The following STS variants were observed in gnomAD, a reference collection of about 807,000 sequenced individuals.
STS encodes the protein steroid sulfatase.
In STS, 7 loss-of-function variants were observed where a neutral mutation model predicts 26.8. The observed-to-expected ratio is 0.26, with a 90% confidence interval of 0.15 to 0.49. The LOEUF is 0.49. STS is among the 20% of genes least tolerant of loss of function. The pLI, the probability that STS is intolerant of heterozygous loss-of-function variation, is 0.98. For synonymous variants in STS, 199 were observed against 189.4 expected (o/e 1.05, Z -0.42); for missense variants, 434 against 465.6 (o/e 0.93, Z 0.63).
At chrX:7,283,341 T>C (rs2147115578) in intron 7 of STS, among the ~76,000 whole-genome samples, 1 of 111,730 alleles carries the variant, frequency 9.0e-6, no homozygotes, top group East Asian at 2.8e-4. Flanking sequence ...GATCAGGGAA[T>C]TCAGGAGCAA....
chrX:7,259,293 G>A (rs887921522), intron 5 of STS, 56 bp from the exon 6 acceptor site: 17 of 1,097,344 alleles, frequency 1.5e-5, no homozygotes, highest in Middle Eastern at 2.4e-4. Context: ...ACAGAAGCTT[G>A]GATTGGAATC....
intron 1 of STS, among the ~76,000 whole-genome samples, chrX:7,173,614 C>G (rs1378473243): frequency 8.9e-6 from 1 of 112,158 alleles, no homozygotes; most frequent in Non-Finnish European, 1.9e-5. Context: ...TGTTTCTTGA[C>G]TTTTTAATAA....
intron 8 of STS, among the ~76,000 whole-genome samples, chrX:7,323,858 G>C (rs1024680162): frequency 4.2e-4 from 47 of 111,043 alleles, no homozygotes; most frequent in Non-Finnish European, 8.1e-4. Flanking sequence ...GGCTTGGGGT[G>C]CCCTTCTCTG....
intron 6 of STS, among the ~76,000 whole-genome samples, chrX:7,263,807 G>A (rs952981975): frequency 1.4e-4 from 13 of 96,210 alleles, no homozygotes; most frequent in African/African-American, 4.0e-4. Flanking sequence ...GTGTATATAT[G>A]TGTGTGTGTT....
At chrX:7,268,549 A>G (rs1243900335) in intron 6 of STS, among the ~76,000 whole-genome samples, 2 of 112,381 alleles carry the variant, frequency 1.8e-5, no homozygotes, top group Non-Finnish European at 3.8e-5. Context: ...ATGGTAAGAA[A>G]AGTAAATCAG....
At chrX:7,317,378 A>G (rs1926761859) in intron 8 of STS, among the ~76,000 whole-genome samples, 1 of 111,244 alleles carries the variant, frequency 9.0e-6, no homozygotes, top group South Asian at 3.8e-4. Flanking sequence ...GGCACAGGGC[A>G]GGTTTGCCCA....
At chrX:7,323,031 T>C (rs1176305987) in intron 8 of STS, among the ~76,000 whole-genome samples, 1 of 111,617 alleles carries the variant, frequency 9.0e-6, no homozygotes, top group Non-Finnish European at 1.9e-5. Flanking sequence ...ATAATAGCCA[T>C]TTTTTGTGCC....
intron 8 of STS, among the ~76,000 whole-genome samples, chrX:7,323,012 C>G (rs1330196164): frequency 4.5e-5 from 5 of 111,860 alleles, no homozygotes; most frequent in African/African-American, 1.3e-4. Context: ...TAAAATAATA[C>G]CAACGAAGAT....
chrX:7,199,180 C>T (rs1316743800), intron 2 of STS, among the ~76,000 whole-genome samples: 1 of 111,635 alleles, frequency 9.0e-6, no homozygotes, highest in Non-Finnish European at 1.9e-5. Flanking sequence ...ATACAGTTTT[C>T]AAATACAATA....
intron 2 of STS, among the ~76,000 whole-genome samples, chrX:7,229,100 C>T (rs1342229991): frequency 8.9e-6 from 1 of 112,186 alleles, no homozygotes; most frequent in Non-Finnish European, 1.9e-5. Context: ...ATTTGCATAC[C>T]TCCTGCTATT....
At chrX:7,295,300 GA>G (rs1462088888) in intron 7 of STS, among the ~76,000 whole-genome samples, 1 of 111,454 alleles carries the variant, frequency 9.0e-6, no homozygotes, top group African/African-American at 3.3e-5. Flanking sequence ...CCTCCTCCAT[GA>G]ATTTATTCAG....
chrX:7,325,198 G>C, intron 8 of STS, 141 bp from the exon 9 acceptor site: 1 of 614,884 alleles, frequency 1.6e-6, no homozygotes, highest in Non-Finnish European at 2.7e-6. Context: ...ATACTATATT[G>C]CTCATGGAAT....
chrX:7,233,157 G>A lies in STS; in HGVS notation c.-4-20039G>A, dbSNP rs190001306. Among the ~76,000 whole-genome samples, 270 of 97,040 alleles carry A rather than the reference G, an allele frequency of 2.8e-3. 4 individuals are homozygous for A. The highest frequency in any genetic ancestry group is 3.5e-3 in the Non-Finnish European group (173 of 49,545). The allele number at this position is 97,040 out of a possible 115,157, so 84.3% of individuals were successfully genotyped here. A position where few individuals can be genotyped will look rare whatever the true frequency, so the allele number is the denominator to read the frequency against. ...CGCCCAGGCTGGAGTGTAATGGCGC[G>A]ATCTTGGCTCACTGCAACCTCTGCC... On this transcript the variant is annotated intron_variant, in intron 2 of 10. Transcript: ENST00000674429.
chrX:7,277,440 T>C (rs1924595531), intron 7 of STS, among the ~76,000 whole-genome samples: 1 of 111,672 alleles, frequency 9.0e-6, no homozygotes, highest in African/African-American at 3.3e-5. Flanking sequence ...CCTACTGTGG[T>C]GATTGTCAGA....
intron 1 of STS, among the ~76,000 whole-genome samples, chrX:7,186,544 T>C (rs923495548): frequency 1.8e-5 from 2 of 111,481 alleles, no homozygotes; most frequent in African/African-American, 6.5e-5. Flanking sequence ...CAGTAAAGGG[T>C]TACAACCTCA....
intron 8 of STS, among the ~76,000 whole-genome samples, chrX:7,307,054 C>G (rs1758506379): frequency 9.0e-6 from 1 of 111,467 alleles, no homozygotes; most frequent in African/African-American, 3.3e-5. Context: ...TCTCCTACAC[C>G]TTTTGTTACC....
intron 7 of STS, among the ~76,000 whole-genome samples, chrX:7,287,678 TTTTATTTA>T (rs200085059): frequency 2.8e-5 from 3 of 105,541 alleles, no homozygotes; most frequent in East Asian, 5.9e-4. Context: ...TTATTTTTTA[TTTTATTTA>T]TTTATTTATT....
At chrX:7,219,357 C>A in intron 2 of STS, 1 of 954,301 alleles carries the variant, frequency 1.0e-6, no homozygotes, top group Admixed American at 4.5e-5. Context: ...GAGAAGTTGC[C>A]CCTTCTGAAG....
intron 2 of STS, among the ~76,000 whole-genome samples, chrX:7,222,649 A>G (rs1192516596): frequency 9.0e-6 from 1 of 111,665 alleles, no homozygotes; most frequent in Non-Finnish European, 1.9e-5. Flanking sequence ...ATCTCAGAAC[A>G]GAAACTACTG....
Sources: allele counts gnomAD v4.1 joint callset (sites outside exome capture counted in the v4.1 genomes callset), GRCh38; gene constraint gnomAD v4.1.1; transcripts MANE v1.5; gene names NCBI Gene and HGNC (gene_info 2026-07-23, HGNC 2026-07-21).